Variants in CSMD1 observed in about 807,000 individuals in gnomAD.
CSMD1 encodes CUB and Sushi multiple domains 1.
A neutral mutation model predicts 417.5 loss-of-function variants in CSMD1; 213 were observed. The ratio of observed to expected loss-of-function variants is 0.51; its 90% CI spans 0.46 to 0.57. CSMD1 has a LOEUF of 0.57. CSMD1 is among the 20% of genes least tolerant of loss of function. CSMD1 has a pLI of 0.00. For synonymous variants in CSMD1, 2,862 were observed against 1,736.8 expected (o/e 1.65, Z -16.11); for missense variants, 6,923 against 4,529.7 (o/e 1.53, Z -15.17).
intron 49 of CSMD1, among the ~76,000 whole-genome samples, chr8:3,058,992 G>T (rs978870379): frequency 2.6e-5 from 4 of 152,036 alleles, no homozygotes; most frequent in Admixed American, 6.6e-5. Flanking sequence ...GATGTTGGAT[G>T]TTGACATGTT....
intron 63 of CSMD1, among the ~76,000 whole-genome samples, 159 bp from the exon 64 acceptor site, chr8:2,955,927 G>C (rs1156446459): frequency 6.6e-6 from 1 of 151,584 alleles, no homozygotes; most frequent in East Asian, 2.0e-4. Flanking sequence ...TTTTGGTAGA[G>C]ATGAAGTCTT....
chr8:3,253,146 G>C (rs528369768), intron 26 of CSMD1, among the ~76,000 whole-genome samples: 3 of 151,968 alleles, frequency 2.0e-5, no homozygotes, highest in African/African-American at 7.2e-5. Context: ...GATCTTTCCT[G>C]CTTTCTCTTG....
intron 12 of CSMD1, among the ~76,000 whole-genome samples, chr8:3,418,343 G>A (rs1344095070): frequency 1.3e-5 from 2 of 152,206 alleles, no homozygotes; most frequent in East Asian, 1.9e-4. Flanking sequence ...TTTCAAACTT[G>A]TTTATAGCAC....
intron 10 of CSMD1, among the ~76,000 whole-genome samples, chr8:3,513,303 C>T (rs1797155041): frequency 6.6e-6 from 1 of 151,320 alleles, no homozygotes; most frequent in Admixed American, 6.6e-5. Context: ...TGAAGAAATC[C>T]ATAGGTAAGT....
At chr8:4,449,036 C>T (rs940680471) in intron 2 of CSMD1, among the ~76,000 whole-genome samples, 3 of 152,092 alleles carry the variant, frequency 2.0e-5, no homozygotes, top group African/African-American at 7.2e-5. Context: ...ATTTATGGTT[C>T]TTGAGTAAAA....
Position 4,164,892 on chromosome 8 carries a change from T to A in CSMD1, c.416-132793A>T, listed in dbSNP as rs569959760. ...ACTCCATCTCAAAGAAAAAAAAAAA[T>A]ATATATATATGTATATATATAGTTT... On this transcript the variant is annotated intron_variant, in intron 3 of 69. Coordinates refer to ENST00000635120, the MANE Select transcript of CSMD1 (RefSeq NM_033225.6). Among the ~76,000 whole-genome samples the A allele has an allele frequency of 3.0e-3, 431 of 143,744 alleles. 3 individuals are homozygous for A. Among genetic ancestry groups the A allele is most frequent in the South Asian group, 0.011 (48 of 4,522 alleles). The allele number at this position is 143,744 out of a possible 152,430, so 94.3% of individuals were successfully genotyped here. A position where few individuals can be genotyped will look rare whatever the true frequency, so the allele number is the denominator to read the frequency against.
intron 3 of CSMD1, among the ~76,000 whole-genome samples, chr8:4,297,659 T>C (rs1373405755): frequency 6.6e-6 from 1 of 152,170 alleles, no homozygotes; most frequent in Non-Finnish European, 1.5e-5. Context: ...GGGTTTGGAT[T>C]TTGACTACTT....
chr8:4,704,722 T>A (rs1034907843), intron 1 of CSMD1, among the ~76,000 whole-genome samples: 4 of 152,212 alleles, frequency 2.6e-5, no homozygotes, highest in African/African-American at 9.7e-5. Context: ...CTTAATGGAA[T>A]GCCTGTCCTT....
chr8:4,581,471 T>C (rs1013557400), intron 2 of CSMD1, among the ~76,000 whole-genome samples: 17 of 152,362 alleles, frequency 1.1e-4, no homozygotes, highest in African/African-American at 3.8e-4. Flanking sequence ...AAAACTGTTT[T>C]TGAATATGAG....
intron 2 of CSMD1, among the ~76,000 whole-genome samples, chr8:4,582,435 G>A (rs1390151665): frequency 1.3e-5 from 2 of 152,136 alleles, no homozygotes; most frequent in Non-Finnish European, 1.5e-5. Context: ...ATAACGGAGA[G>A]AAAGAAAACA....
intron 65 of CSMD1, among the ~76,000 whole-genome samples, chr8:2,952,861 C>T (rs947202610): frequency 2.6e-4 from 39 of 152,178 alleles, no homozygotes; most frequent in African/African-American, 3.4e-4. Context: ...AATAGGACCA[C>T]GAGTCATGTG....
chr8:4,454,946 C>A (rs1012992323), intron 2 of CSMD1, among the ~76,000 whole-genome samples: 9 of 152,168 alleles, frequency 5.9e-5, no homozygotes, highest in Non-Finnish European at 1.2e-4. Flanking sequence ...CATGACGCTT[C>A]TGTACGTTGT....
rs544836572 is a variant in CSMD1 at position 3,986,430 on chromosome 8, G to C, written c.818+11473C>G. On this transcript the variant is annotated intron_variant, in intron 5 of 69. Coordinates refer to ENST00000635120, the MANE Select transcript of CSMD1 (RefSeq NM_033225.6). ...ACTGTTGAATACGTTTCCACTTCAA[G>C]GTGAAATCTGAAATATCAGGGTATA... 5.9e-5 allele frequency among the ~76,000 whole-genome samples: 9 copies of C among 152,232 alleles called. No individual in the cohort carries two copies. In the South Asian group the frequency reaches 8.3e-4, roughly 14 times the overall value.
chr8:3,669,662 T>C (rs561010705), intron 7 of CSMD1, among the ~76,000 whole-genome samples: 1 of 152,180 alleles, frequency 6.6e-6, no homozygotes, highest in East Asian at 1.9e-4. Flanking sequence ...ACTCAACAGA[T>C]GTTAGCTCAG....
chr8:3,896,340 T>C (rs1036577872), intron 5 of CSMD1, among the ~76,000 whole-genome samples: 2 of 152,206 alleles, frequency 1.3e-5, no homozygotes, highest in African/African-American at 4.8e-5. Flanking sequence ...ATACTCACTT[T>C]GCTGAATTAG....
At chr8:4,121,573 A>T (rs1234838285) in intron 3 of CSMD1, among the ~76,000 whole-genome samples, 4 of 147,852 alleles carry the variant, frequency 2.7e-5, no homozygotes, top group Non-Finnish European at 4.5e-5. Context: ...TCAATCTTTT[A>T]TTTTTTTTTC....
intron 33 of CSMD1, among the ~76,000 whole-genome samples, chr8:3,194,002 T>C (rs1329376648): frequency 6.6e-6 from 1 of 152,224 alleles, no homozygotes; most frequent in Non-Finnish European, 1.5e-5. Context: ...GTGAAGCAGT[T>C]TTCTTTTTGA....
chr8:3,522,211 A>C (rs1031128955), intron 10 of CSMD1, among the ~76,000 whole-genome samples: 1 of 152,156 alleles, frequency 6.6e-6, no homozygotes, highest in Non-Finnish European at 1.5e-5. Context: ...ATTTTTTATT[A>C]TTTTATCTTA....
chr8:4,338,159 G>C (rs975055213), intron 3 of CSMD1, among the ~76,000 whole-genome samples: 8 of 152,074 alleles, frequency 5.3e-5, no homozygotes, highest in African/African-American at 1.9e-4. Context: ...TGGTAGTAGA[G>C]AATTACAAAA....
Sources: allele counts gnomAD v4.1 joint callset (sites outside exome capture counted in the v4.1 genomes callset), GRCh38; gene constraint gnomAD v4.1.1; transcripts MANE v1.5; gene names NCBI Gene and HGNC (gene_info 2026-07-23, HGNC 2026-07-21).